Variants in PARD3 observed in about 807,000 individuals in gnomAD.
PARD3 encodes par-3 family cell polarity regulator, also known as partitioning defective 3 homolog.
A neutral mutation model predicts 155.4 loss-of-function variants in PARD3; 75 were observed. The observed-to-expected ratio is 0.48, with a 90% CI of 0.40 to 0.58. PARD3 has a LOEUF of 0.58. Ranked by LOEUF, PARD3 falls within the 20% of genes least tolerant of loss-of-function variation. PARD3 has a pLI of 0.00. For synonymous variants in PARD3, 576 were observed against 610.5 expected (o/e 0.94, Z 0.83); for missense variants, 1,642 against 1,721.7 (o/e 0.95, Z 0.82).
At chr10:34,586,070 A>G (rs12240419) in intron 2 of PARD3, among the ~76,000 whole-genome samples, 4,472 of 152,238 alleles carry the variant, frequency 0.029, 219 homozygotes, top group African/African-American at 0.1. Context: ...TCAAATATCC[A>G]TGAGAAAAAA....
chr10:34,632,196 T>C (rs939553516), intron 2 of PARD3, among the ~76,000 whole-genome samples: 4 of 152,170 alleles, frequency 2.6e-5, no homozygotes, highest in East Asian at 3.8e-4. Flanking sequence ...GAGGCGGAGA[T>C]TGCAGTGAGC....
intron 1 of PARD3, among the ~76,000 whole-genome samples, chr10:34,760,201 G>A (rs868308939): frequency 2.5e-4 from 34 of 134,136 alleles, no homozygotes; most frequent in Non-Finnish European, 3.1e-5. Context: ...ACAGCGCAGC[G>A]GTGTAGAAAC....
chr10:34,493,864 CAT>C (rs1474371598), intron 3 of PARD3, among the ~76,000 whole-genome samples: 2 of 152,186 alleles, frequency 1.3e-5, no homozygotes, highest in East Asian at 1.9e-4. Flanking sequence ...TATCTACACA[CAT>C]GATGCACCTT....
At chr10:34,242,744 A>C (rs1264903145) in intron 22 of PARD3, among the ~76,000 whole-genome samples, 2 of 151,872 alleles carry the variant, frequency 1.3e-5, no homozygotes, top group Admixed American at 6.6e-5. Context: ...GACCAGCCTG[A>C]CCAACATGGT....
chr10:34,211,117 G>A (rs146927389), intron 22 of PARD3, among the ~76,000 whole-genome samples: 13 of 152,152 alleles, frequency 8.5e-5, no homozygotes, highest in African/African-American at 3.1e-4. Context: ...CCTGTGACAG[G>A]CTCATGAAAC....
At chr10:34,743,289 T>A (rs2095051637) in intron 1 of PARD3, among the ~76,000 whole-genome samples, 1 of 152,146 alleles carries the variant, frequency 6.6e-6, no homozygotes, top group Non-Finnish European at 1.5e-5. Context: ...GACACACAAC[T>A]TGTCAACAGC....
intron 16 of PARD3, 114 bp downstream of exon 16, chr10:34,341,513 C>T: frequency 4.2e-6 from 3 of 710,788 alleles, no homozygotes; most frequent in Non-Finnish European, 6.8e-6. Context: ...TATATAAAAA[C>T]CATGAAGACA....
In PARD3 at chr10:34,463,420, T is replaced by G. The variant is rs535534133; in HGVS notation, c.582+6665A>C. ...GGAAGGAAAAGAAACAAAGGGGTTT[T>G]GAAAGGAATGAAGGAACACACAGAA... On this transcript the variant is annotated intron_variant, in intron 4 of 24. Transcript: ENST00000374788. 6.9e-4 allele frequency among the ~76,000 whole-genome samples: 104 copies of G among 150,728 alleles called. 1 individual carries two copies. The South Asian group carries it at 7.8e-3, about 11-fold the overall frequency.
At chr10:34,426,959 T>A (rs2075641721) in intron 5 of PARD3, among the ~76,000 whole-genome samples, 1 of 152,266 alleles carries the variant, frequency 6.6e-6, no homozygotes, top group Admixed American at 6.5e-5. Flanking sequence ...TGTGAAGATT[T>A]CATGGACATT....
intron 1 of PARD3, among the ~76,000 whole-genome samples, chr10:34,751,782 T>TC (rs1836071505): frequency 6.6e-6 from 1 of 151,482 alleles, no homozygotes; most frequent in Non-Finnish European, 1.5e-5. Flanking sequence ...TTTTTTTTTT[T>TC]TTTTTAATAG....
At position 34,214,129 on chromosome 10, in the gene PARD3, A is replaced by G. The variant is rs561809540; in HGVS notation, c.3419+55528T>C. On this transcript the variant is annotated intron_variant, in intron 22 of 24. Transcript: ENST00000374788. Reference sequence around the variant, plus strand: ...TTGCCAAGACTGGTCTTGAACTCCTAGCTTCGAGTGATACTCCTGCCTCAG... The same window carrying G: ...TTGCCAAGACTGGTCTTGAACTCCTGGCTTCGAGTGATACTCCTGCCTCAG... Among the ~76,000 whole-genome samples the G allele has an allele frequency of 2.6e-5, 4 of 151,094 alleles. No individual in the cohort carries two copies. In the East Asian group the frequency reaches 7.7e-4, roughly 29 times the overall value.
At chr10:34,776,334 T>C (rs1325229769) in intron 1 of PARD3, among the ~76,000 whole-genome samples, 2 of 152,216 alleles carry the variant, frequency 1.3e-5, no homozygotes, top group Admixed American at 6.5e-5. Flanking sequence ...TTACTATTTA[T>C]GTGGCACAGG....
intron 2 of PARD3, among the ~76,000 whole-genome samples, chr10:34,572,974 TA>T (rs1423259466): frequency 2.6e-5 from 4 of 152,232 alleles, no homozygotes; most frequent in African/African-American, 9.6e-5. Context: ...CAACGTTGTC[TA>T]CCTTACATAT....
chr10:34,131,423 T>C lies in PARD3; in HGVS notation c.3540+40A>G, dbSNP rs373666034. 10 of 1,612,726 alleles carry C rather than the reference T, an allele frequency of 6.2e-6. No homozygotes were observed. In the South Asian group the frequency reaches 8.8e-5, roughly 14 times the overall value. ...CTTAGTGGCCTTTGCTGCAGGGAAGTTGTAGGACCATTCACCGTGCTGAAG... is the reference window on the plus strand; with the variant it reads ...CTTAGTGGCCTTTGCTGCAGGGAAGCTGTAGGACCATTCACCGTGCTGAAG... On this transcript the variant is annotated intron_variant, in intron 23 of 24. Transcript: ENST00000374788.
chr10:34,634,846 G>A (rs2092408723), intron 2 of PARD3, among the ~76,000 whole-genome samples: 1 of 152,160 alleles, frequency 6.6e-6, no homozygotes, highest in Non-Finnish European at 1.5e-5. Context: ...CTGGAGTGCT[G>A]GGAACAAAAG....
intron 22 of PARD3, among the ~76,000 whole-genome samples, chr10:34,256,328 A>G (rs1343541241): frequency 6.6e-6 from 1 of 152,180 alleles, no homozygotes; most frequent in African/African-American, 2.4e-5. Context: ...TCATGAGCTG[A>G]GCTCCATGGG....
rs553469491 is a variant in PARD3, at chr10:34,730,673, T to G, written c.121-34254A>C. 5.3e-5 allele frequency among the ~76,000 whole-genome samples: 8 copies of G among 152,268 alleles called. No homozygotes were observed. In the South Asian group the frequency reaches 1.7e-3, roughly 32 times the overall value. On this transcript the variant is annotated intron_variant, in intron 1 of 24. Coordinates refer to ENST00000374788, the MANE Select transcript of PARD3 (RefSeq NM_001184785.2). ...GATGATGCATGCCTGTAGTCCTACCTGTACTGGATAGGCTGAGGTGGGAGG... is the reference window on the plus strand; with the variant it reads ...GATGATGCATGCCTGTAGTCCTACCGGTACTGGATAGGCTGAGGTGGGAGG...
intron 2 of PARD3, among the ~76,000 whole-genome samples, chr10:34,651,529 G>A (rs1307638926): frequency 6.6e-6 from 1 of 152,224 alleles, no homozygotes; most frequent in Non-Finnish European, 1.5e-5. Context: ...TGAAGCCAAG[G>A]ACTGCATTTT....
At chr10:34,593,089 C>G (rs1280430677) in intron 2 of PARD3, among the ~76,000 whole-genome samples, 1 of 152,096 alleles carries the variant, frequency 6.6e-6, no homozygotes, top group East Asian at 1.9e-4. Flanking sequence ...CACAAGTACG[C>G]CATCAATGTG....
Sources: allele counts gnomAD v4.1 joint callset (sites outside exome capture counted in the v4.1 genomes callset), GRCh38; gene constraint gnomAD v4.1.1; transcripts MANE v1.5; gene names NCBI Gene and HGNC (gene_info 2026-07-23, HGNC 2026-07-21).